The following NEAT1 variants were observed in gnomAD, a reference collection of about 807,000 sequenced individuals.
The protein encoded by NEAT1 is MENepsilon/beta.
chr11:65,444,918 C>G (rs952527188), exon 1 of NEAT1: 1 of 206,396 alleles, frequency 4.8e-6, no homozygotes, highest in African/African-American at 2.4e-5. Context: ...TGGGGCCCAG[C>G]AGACCCAGAG....
At chr11:65,423,042 T>C (rs1165934076) in exon 1 of NEAT1, 1 of 151,794 alleles carries the variant, frequency 6.6e-6, no homozygotes, top group East Asian at 1.9e-4. Context: ...GGCCAGGCTG[T>C]CCCTACTGCC....
At chr11:65,436,613 T>C (rs1856660056) in exon 1 of NEAT1, 1 of 152,232 alleles carries the variant, frequency 6.6e-6, no homozygotes, top group African/African-American at 2.4e-5. Context: ...CAGGCGTGGG[T>C]ACACCACACA....
exon 1 of NEAT1, chr11:65,429,839 A>T (rs1219674996): frequency 2.0e-5 from 3 of 152,008 alleles, no homozygotes; most frequent in Admixed American, 6.6e-5. Context: ...TGTGTTGTGG[A>T]ATCTGTGTTT....
At chr11:65,444,569 C>A in exon 1 of NEAT1, 1 of 478,170 alleles carries the variant, frequency 2.1e-6, no homozygotes, top group Non-Finnish European at 4.3e-6. Context: ...ATGAGGACAG[C>A]AGAGCTCGTG....
chr11:65,441,650 T>C (rs1485881233), exon 1 of NEAT1: 1 of 152,212 alleles, frequency 6.6e-6, no homozygotes, highest in Non-Finnish European at 1.5e-5. Flanking sequence ...TAGTTTTTCG[T>C]TTTTAATAAG....
chr11:65,438,755 A>T (rs558354210), exon 1 of NEAT1: 1 of 152,250 alleles, frequency 6.6e-6, no homozygotes, highest in African/African-American at 2.4e-5. Context: ...ATAATATTCC[A>T]CTGTATGGAT....
At chr11:65,441,965 G>A (rs1856718792) in exon 1 of NEAT1, 1 of 152,254 alleles carries the variant, frequency 6.6e-6, no homozygotes, top group Non-Finnish European at 1.5e-5. Flanking sequence ...GGCCACGCTG[G>A]TTCCTCAATT....
exon 1 of NEAT1, chr11:65,442,813 G>A (rs1856726742): frequency 1.3e-5 from 2 of 152,278 alleles, no homozygotes; most frequent in Admixed American, 1.3e-4. Context: ...CCGGGAGGTG[G>A]AGGTTACAGT....
chr11:65,434,039 T>C (rs547888173), exon 1 of NEAT1: 1 of 152,358 alleles, frequency 6.6e-6, no homozygotes, highest in East Asian at 1.9e-4. Context: ...TTATTTTGCA[T>C]GTAATCTTAT....
At chr11:65,437,569 C>T (rs1236945833) in exon 1 of NEAT1, 1 of 152,096 alleles carries the variant, frequency 6.6e-6, no homozygotes, top group South Asian at 2.1e-4. Context: ...TCTACTTTTC[C>T]AGAATTCTCC....
exon 1 of NEAT1, chr11:65,424,017 G>A (rs1000995374): frequency 6.6e-6 from 1 of 152,372 alleles, no homozygotes; most frequent in Non-Finnish European, 1.5e-5. Flanking sequence ...TGGCCAGTGT[G>A]AGTCCTAGCA....
At chr11:65,431,683 A>G (rs1011567866) in exon 1 of NEAT1, 10 of 152,158 alleles carry the variant, frequency 6.6e-5, no homozygotes, top group African/African-American at 2.2e-4. Context: ...ATCTTTTCAT[A>G]TGCTTACTGG....
chr11:65,443,463 A>G (rs778966776), exon 1 of NEAT1: 1 of 152,220 alleles, frequency 6.6e-6, no homozygotes, highest in Non-Finnish European at 1.5e-5. Context: ...CTTTCTGCCC[A>G]TGTACATGTG....
chr11:65,444,116 G>C (rs894716738), exon 1 of NEAT1: 9 of 235,762 alleles, frequency 3.8e-5, no homozygotes, highest in Non-Finnish European at 6.8e-5. Flanking sequence ...GCGAGGCTGT[G>C]AGGGGAGATG....
chr11:65,440,842 CAAAAAAAAAAAA>C (rs746947504), exon 1 of NEAT1: 61 of 35,538 alleles, frequency 1.7e-3, no homozygotes, highest in African/African-American at 5.3e-3. Flanking sequence ...GATTCCGTCT[CAAAAAAAAAAAA>C]AAAAAAAAAA....
chr11:65,437,243 A>ATG (rs1210398026), exon 1 of NEAT1: 8 of 146,430 alleles, frequency 5.5e-5, no homozygotes, highest in African/African-American at 7.5e-5. Context: ...ATATATACAT[A>ATG]TATATATACT....
exon 1 of NEAT1, chr11:65,445,273 T>A (rs916543592): frequency 6.6e-6 from 1 of 152,256 alleles, no homozygotes; most frequent in Admixed American, 6.5e-5. Context: ...CTGTGCCTCG[T>A]GTTCAGTTTG....
chr11:65,443,038 T>G (rs1032712302), exon 1 of NEAT1: 10 of 152,246 alleles, frequency 6.6e-5, no homozygotes, highest in African/African-American at 2.2e-4. Context: ...TAACGTATGA[T>G]TATTTTTATA....
exon 1 of NEAT1, chr11:65,429,036 T>G (rs1856589254): frequency 6.6e-6 from 1 of 152,226 alleles, no homozygotes; most frequent in Admixed American, 6.5e-5. Context: ...GTGAACACCT[T>G]TTTTAATGAT....
Sources: allele counts gnomAD v4.1 joint callset, GRCh38; gene constraint gnomAD v4.1.1; transcripts MANE v1.5; gene names NCBI Gene and HGNC (gene_info 2026-07-23, HGNC 2026-07-21).